The following ANTXR1 variants were observed in gnomAD, a reference collection of about 807,000 sequenced individuals.
ANTXR1 encodes the protein anthrax toxin receptor 1.
A neutral mutation model predicts 78.1 loss-of-function variants in ANTXR1; 19 were observed. The observed-to-expected ratio is 0.24, with a 90% confidence interval of 0.17 to 0.36. The LOEUF (loss-of-function observed/expected upper bound fraction) is 0.36, where lower values mean the gene tolerates loss of function less well. Ranked by LOEUF, ANTXR1 falls within the 10% of genes least tolerant of loss-of-function variation. ANTXR1 has a pLI of 1.00. For missense variants in ANTXR1, 518 were observed against 718.6 expected, an observed-to-expected ratio of 0.72 and a Z score of 3.19; for synonymous variants, 273 against 260.5, an observed-to-expected ratio of 1.05 and a Z score of -0.46.
chr2:69,152,179 C>G lies in ANTXR1; in HGVS notation c.962C>G (p.Ser321Cys). The G allele has an allele frequency of 6.2e-7, 1 of 1,614,090 alleles. No individual in the cohort carries two copies. The highest frequency in any genetic ancestry group is 2.2e-5 in the East Asian group (1 of 44,872). Residue 321 changes from serine to cysteine, a missense_variant, in exon 13 of 18, where the codon TCC becomes TGC. Physicochemically the swap from Ser to Cys is moderately radical, Grantham distance 112. Coordinates refer to ENST00000303714, the MANE Select transcript of ANTXR1 (RefSeq NM_032208.3). ...IITTTHCSDG[S>C]ILAIALLILF... ...CTCTTGGCCCTGCAGTCTGACGGTT[C>G]CATCCTGGCCATCGCCCTGCTGATC...
chr2:69,126,896 C>G (rs556183891), intron 12 of ANTXR1, among the ~76,000 whole-genome samples: 2 of 152,324 alleles, frequency 1.3e-5, no homozygotes, highest in Admixed American at 1.3e-4. Context: ...AAGACCACCT[C>G]ATAATATATT....
intron 12 of ANTXR1, chr2:69,146,240 C>T (rs1412198112): frequency 2.0e-6 from 2 of 985,320 alleles, no homozygotes; most frequent in Non-Finnish European, 2.4e-6. Context: ...CAGGAAGATG[C>T]AACCCCATGG....
rs1271388721 is a variant in ANTXR1 at position 69,248,019 on chromosome 2, C to T, written c.*2534C>T. ...TAGAATTACAGTTAAGAAGGAGAAACTTCTATAAGACTGTATGAACAAGGT... is the reference window on the plus strand; with the variant it reads ...TAGAATTACAGTTAAGAAGGAGAAATTTCTATAAGACTGTATGAACAAGGT... On this transcript the variant is annotated 3_prime_UTR_variant, in exon 18 of 18. Transcript: ENST00000303714. 1 of 163,076 alleles carries T rather than the reference C, an allele frequency of 6.1e-6. No individual in the cohort carries two copies. Among genetic ancestry groups the T allele is most frequent in the Non-Finnish European group, 1.5e-5 (1 of 68,108 alleles). The allele number at this position is 163,076 out of a possible 1,614,324, so 10.1% of individuals were successfully genotyped here.
chr2:69,071,810 C>A (rs772471407), intron 5 of ANTXR1, 23 bp downstream of exon 5: 1 of 1,608,176 alleles, frequency 6.2e-7, no homozygotes, highest in South Asian at 1.1e-5. Flanking sequence ...TATGAACTAC[C>A]ATTATGAATT....
intron 12 of ANTXR1, among the ~76,000 whole-genome samples, chr2:69,143,465 T>C (rs1573928823): frequency 1.3e-5 from 2 of 152,260 alleles, no homozygotes; most frequent in South Asian, 4.2e-4. Flanking sequence ...GTGTGAACGG[T>C]TGAGTTTGAC....
In ANTXR1 at chr2:69,176,171, T is replaced by TA. The variant is rs5831965; in HGVS notation, c.1090-5600dup. ...TTCCGTATTCTATGTTTTAATACTT[T>TA]AAAAAAAAAAAAAAAGAACATTGCT... On this transcript the variant is annotated intron_variant, in intron 14 of 17. Transcript: ENST00000303714. Among the ~76,000 whole-genome samples the TA allele has an allele frequency of 3.3e-3, 458 of 139,204 alleles. 1 individual carries two copies. Among genetic ancestry groups the TA allele is most frequent in the African/African-American group, 6.9e-3 (259 of 37,810 alleles). 91.3% of individuals were successfully genotyped at this position (139,204 alleles called of 152,430 possible). A position where few individuals can be genotyped will look rare whatever the true frequency, so the allele number is the denominator to read the frequency against.
chr2:69,073,153 C>G (rs1412284583), intron 6 of ANTXR1, 52 bp downstream of exon 6: 3 of 1,564,616 alleles, frequency 1.9e-6, no homozygotes, highest in Non-Finnish European at 2.6e-6. Context: ...GGGGCTTCTC[C>G]TTTCTAAAAT....
intron 1 of ANTXR1, among the ~76,000 whole-genome samples, chr2:69,030,725 T>C (rs1002710440): frequency 6.6e-6 from 1 of 152,198 alleles, no homozygotes; most frequent in Admixed American, 6.5e-5. Context: ...AAATATTTAT[T>C]AGGTCACAAA....
chr2:69,180,233 T>C (rs1674239400), intron 14 of ANTXR1, among the ~76,000 whole-genome samples: 2 of 152,248 alleles, frequency 1.3e-5, no homozygotes, highest in Admixed American at 6.5e-5. Context: ...TCCCACGCAG[T>C]GGTGCCCTGC....
At chr2:69,025,211 C>A (rs1332420019) in intron 1 of ANTXR1, among the ~76,000 whole-genome samples, 1 of 152,098 alleles carries the variant, frequency 6.6e-6, no homozygotes, top group Admixed American at 6.6e-5. Context: ...CCTTCTATTA[C>A]TAGTTGCGGG....
At chr2:69,233,437 T>G (rs897555473) in intron 17 of ANTXR1, among the ~76,000 whole-genome samples, 1 of 151,702 alleles carries the variant, frequency 6.6e-6, no homozygotes, top group Non-Finnish European at 1.5e-5. Context: ...AGAAAAAAAT[T>G]TATAAAATAT....
intron 3 of ANTXR1, among the ~76,000 whole-genome samples, chr2:69,063,203 C>CA (rs766324431): frequency 7.9e-5 from 12 of 151,936 alleles, no homozygotes; most frequent in Non-Finnish European, 1.6e-4. Context: ...GAACCTCAAG[C>CA]AGGACAAATG....
intron 14 of ANTXR1, among the ~76,000 whole-genome samples, chr2:69,181,384 G>C (rs1674271986): frequency 6.6e-6 from 1 of 152,194 alleles, no homozygotes; most frequent in Admixed American, 6.5e-5. Context: ...TCTCTGCTGT[G>C]GTGTTGTTGA....
chr2:69,081,619 C>A (rs1670904220), intron 8 of ANTXR1, among the ~76,000 whole-genome samples: 1 of 152,188 alleles, frequency 6.6e-6, no homozygotes. Flanking sequence ...CATAACAATG[C>A]TGCAAAATAA....
chr2:69,074,364 C>T (rs530593422), intron 6 of ANTXR1, among the ~76,000 whole-genome samples: 6 of 152,200 alleles, frequency 3.9e-5, no homozygotes, highest in African/African-American at 1.4e-4. Context: ...AGTAAAAACC[C>T]TAATAAGGAA....
chr2:69,019,615 T>TAAA (rs78690695), intron 1 of ANTXR1, among the ~76,000 whole-genome samples: 4 of 152,020 alleles, frequency 2.6e-5, no homozygotes, highest in South Asian at 2.1e-4. Context: ...TAAAAGATGT[T>TAAA]AAAAAAAAGA....
chr2:69,194,015 T>C (rs1005106168), intron 17 of ANTXR1, among the ~76,000 whole-genome samples: 4 of 152,240 alleles, frequency 2.6e-5, no homozygotes, highest in African/African-American at 7.2e-5. Flanking sequence ...TCCTGAAAGA[T>C]AGAGCCAGGG....
intron 16 of ANTXR1, among the ~76,000 whole-genome samples, chr2:69,185,263 G>T (rs1358608370): frequency 6.6e-6 from 1 of 152,204 alleles, no homozygotes; most frequent in Non-Finnish European, 1.5e-5. Flanking sequence ...GTCACCAGCT[G>T]GGCGCAGTGG....
chr2:69,203,903 A>G (rs1489279619), intron 17 of ANTXR1, among the ~76,000 whole-genome samples: 1 of 152,178 alleles, frequency 6.6e-6, no homozygotes, highest in Non-Finnish European at 1.5e-5. Flanking sequence ...CAGAGAAGTA[A>G]ATGCTAAGGC....
Sources: allele counts gnomAD v4.1 joint callset (sites outside exome capture counted in the v4.1 genomes callset), GRCh38; gene constraint gnomAD v4.1.1; transcripts MANE v1.5; gene names NCBI Gene and HGNC (gene_info 2026-07-23, HGNC 2026-07-21).